Variants in SLC16A12 observed in about 807,000 individuals in gnomAD.
The protein encoded by SLC16A12 is monocarboxylate transporter 12.
SLC16A12 carries 17 observed loss-of-function variants against 42.4 expected under a neutral mutation model. The observed-to-expected ratio is 0.40, with a 90% CI of 0.27 to 0.60. The LOEUF is 0.60. SLC16A12 is among the 20% of genes least tolerant of loss of function. The probability of loss-of-function intolerance (pLI) is 0.42; values close to 1 mark genes in which losing one functional copy is unlikely to be tolerated. For synonymous variants in SLC16A12, 224 were observed against 229.4 expected, an observed-to-expected ratio of 0.98 and a Z score of 0.21; for missense variants, 544 against 623.0, an observed-to-expected ratio of 0.87 and a Z score of 1.35.
intron 2 of SLC16A12, among the ~76,000 whole-genome samples, chr10:89,504,520 T>C (rs1002362015): frequency 2.2e-4 from 33 of 152,174 alleles, no homozygotes; most frequent in Non-Finnish European, 2.9e-5. Flanking sequence ...ATGAATAGAT[T>C]TTCCGCTTTT....
Position 89,481,678 on chromosome 10 carries a change from AGTGT to A in SLC16A12, c.-46-19058_-46-19055del, listed in dbSNP as rs528666796. ...GTGTGTGTGTGTGAGAGAGAGAGAG[AGTGT>A]GTGTGTGTGTGTGTGTGTGTGTAAA... On this transcript the variant is annotated intron_variant, in intron 2 of 7. Coordinates refer to ENST00000371790, the MANE Select transcript of SLC16A12 (RefSeq NM_213606.4). Among the ~76,000 whole-genome samples the A allele has an allele frequency of 5.1e-4, 73 of 143,972 alleles. No individual in the cohort carries two copies. In the South Asian group the frequency reaches 5.5e-3, roughly 11 times the overall value. 94.5% of individuals were successfully genotyped at this position (143,972 alleles called of 152,430 possible).
At chr10:89,521,574 C>T (rs1843357509) in intron 2 of SLC16A12, among the ~76,000 whole-genome samples, 2 of 152,168 alleles carry the variant, frequency 1.3e-5, no homozygotes, top group South Asian at 2.1e-4. Context: ...GCTTCCGGCC[C>T]CTCTCCCATG....
At chr10:89,482,862 T>C (rs762793969) in intron 2 of SLC16A12, among the ~76,000 whole-genome samples, 2 of 152,002 alleles carry the variant, frequency 1.3e-5, no homozygotes, top group African/African-American at 2.4e-5. Context: ...AGTGAAATCA[T>C]GTTGTGTAGA....
At chr10:89,555,524 T>TGTATATATAC (rs1564607458) in intron 2 of SLC16A12, among the ~76,000 whole-genome samples, 2 of 123,032 alleles carry the variant, frequency 1.6e-5, no homozygotes, top group Non-Finnish European at 3.8e-5. Flanking sequence ...TGTATATATG[T>TGTATATATAC]GTATATATAC....
chr10:89,519,574 G>A (rs1843315384), intron 2 of SLC16A12, among the ~76,000 whole-genome samples: 1 of 152,086 alleles, frequency 6.6e-6, no homozygotes, highest in African/African-American at 2.4e-5. Context: ...AGCCTCTTGA[G>A]AGGGAACTCA....
chr10:89,486,602 AAAAAGAAAGAAAG>A (rs746910287), intron 2 of SLC16A12, among the ~76,000 whole-genome samples: 1,556 of 116,086 alleles, frequency 0.013, 55 homozygotes, highest in Non-Finnish European at 0.02. Flanking sequence ...AAAAAAAAAA[AAAAAGAAAGAAAG>A]AAAGAAAGAA....
At chr10:89,488,969 C>A (rs1028047002) in intron 2 of SLC16A12, among the ~76,000 whole-genome samples, 1 of 152,138 alleles carries the variant, frequency 6.6e-6, no homozygotes, top group Non-Finnish European at 1.5e-5. Flanking sequence ...AGGGAGAGTT[C>A]TTTCATGATG....
intron 2 of SLC16A12, among the ~76,000 whole-genome samples, chr10:89,477,534 A>G (rs1842600076): frequency 7.1e-6 from 1 of 140,506 alleles, no homozygotes; most frequent in Non-Finnish European, 1.5e-5. Flanking sequence ...ATTGCACTTG[A>G]GCCTGGGCAA....
intron 2 of SLC16A12, among the ~76,000 whole-genome samples, chr10:89,531,297 G>A (rs930717793): frequency 6.6e-6 from 1 of 152,052 alleles, no homozygotes; most frequent in Non-Finnish European, 1.5e-5. Context: ...TACTCAGGAG[G>A]CTGAGGTGGG....
chr10:89,490,471 G>A lies in SLC16A12; in HGVS notation c.-46-27847C>T, dbSNP rs115722828. ...CTGATGGACCAGCTATAAATCAAGGGTTCCCACAACCCCCTCAATACTTTG... is the reference window on the plus strand; with the variant it reads ...CTGATGGACCAGCTATAAATCAAGGATTCCCACAACCCCCTCAATACTTTG... On this transcript the variant is annotated intron_variant, in intron 2 of 7. Coordinates refer to ENST00000371790, the MANE Select transcript of SLC16A12 (RefSeq NM_213606.4). 3.5e-3 allele frequency among the ~76,000 whole-genome samples: 536 copies of A among 152,188 alleles called. 3 individuals are homozygous for A. Among genetic ancestry groups the A allele is most frequent in the African/African-American group, 0.012 (514 of 41,508 alleles).
chr10:89,545,161 G>C (rs1843735760), intron 2 of SLC16A12, among the ~76,000 whole-genome samples: 1 of 152,152 alleles, frequency 6.6e-6, no homozygotes, highest in African/African-American at 2.4e-5. Context: ...TATCCCCTCA[G>C]CAGGCTGCAG....
intron 2 of SLC16A12, among the ~76,000 whole-genome samples, chr10:89,533,986 T>A (rs540421545): frequency 6.6e-6 from 1 of 152,344 alleles, no homozygotes; most frequent in Non-Finnish European, 1.5e-5. Flanking sequence ...GTTGATTCCA[T>A]CACCAGTTAA....
At chr10:89,440,578 C>G (rs1367039306) in intron 5 of SLC16A12, among the ~76,000 whole-genome samples, 5 of 152,204 alleles carry the variant, frequency 3.3e-5, no homozygotes, top group Non-Finnish European at 7.3e-5. Context: ...ATTGAATGTA[C>G]ATGTTGCTTT....
At chr10:89,451,472 T>C (rs1045631338) in intron 3 of SLC16A12, among the ~76,000 whole-genome samples, 1 of 152,024 alleles carries the variant, frequency 6.6e-6, no homozygotes, top group Non-Finnish European at 1.5e-5. Context: ...AGTGCAATGA[T>C]GCAATCTCGG....
At chr10:89,502,813 G>A (rs1843007561) in intron 2 of SLC16A12, among the ~76,000 whole-genome samples, 1 of 152,202 alleles carries the variant, frequency 6.6e-6, no homozygotes, top group Non-Finnish European at 1.5e-5. Flanking sequence ...TTTGGCAGAG[G>A]ATCAGGAATT....
intron 2 of SLC16A12, among the ~76,000 whole-genome samples, chr10:89,481,241 G>A (rs570111026): frequency 7.2e-5 from 11 of 152,242 alleles, no homozygotes; most frequent in African/African-American, 2.6e-4. Context: ...CTGAGATAAT[G>A]AATGAGCTCT....
chr10:89,488,237 T>A (rs535695293), intron 2 of SLC16A12, among the ~76,000 whole-genome samples: 1 of 152,070 alleles, frequency 6.6e-6, no homozygotes, highest in Non-Finnish European at 1.5e-5. Context: ...CTACAGAAAT[T>A]TTTTTAAAAG....
chr10:89,535,631 C>G (rs1300653945), upstream of SLC16A12: 1 of 152,314 alleles, frequency 6.6e-6, no homozygotes, highest in Non-Finnish European at 1.5e-5. Flanking sequence ...CCCCCATGCC[C>G]CGCCCGCCCT....
Position 89,434,142 on chromosome 10 carries a change from A to G in SLC16A12, c.1289-816T>C, listed in dbSNP as rs528163328. Reference sequence around the variant, plus strand: ...TCAAAAATAGCATGTAGAAGTTGTTATAAGCCCCACAAAATTTCCTGAATT... The same window carrying G: ...TCAAAAATAGCATGTAGAAGTTGTTGTAAGCCCCACAAAATTTCCTGAATT... On this transcript the variant is annotated intron_variant, in intron 7 of 7. Transcript: ENST00000371790. Among the ~76,000 whole-genome samples the G allele has an allele frequency of 1.5e-4, 23 of 152,362 alleles. 1 individual carries two copies. In the East Asian group the frequency reaches 3.7e-3, roughly 24 times the overall value.
Sources: allele counts gnomAD v4.1 joint callset (sites outside exome capture counted in the v4.1 genomes callset), GRCh38; gene constraint gnomAD v4.1.1; transcripts MANE v1.5; gene names NCBI Gene and HGNC (gene_info 2026-07-23, HGNC 2026-07-21).